ATP2B4: variants seen among roughly 807,000 people sequenced by gnomAD.
ATP2B4 encodes the protein plasma membrane calcium-transporting ATPase 4.
Under a neutral mutation model 110.3 loss-of-function variants are expected in ATP2B4, and 39 were observed. The ratio of observed to expected loss-of-function variants is 0.35; its 90% confidence interval spans 0.27 to 0.46. The LOEUF (loss-of-function observed/expected upper bound fraction) is 0.46, where lower values mean the gene tolerates loss of function less well. ATP2B4 is among the 20% of genes least tolerant of loss of function. The pLI is 1.00. For missense variants in ATP2B4, 1,135 were observed against 1,530.9 expected, an observed-to-expected ratio of 0.74 and a Z score of 4.32; for synonymous variants, 538 against 571.7, an observed-to-expected ratio of 0.94 and a Z score of 0.84.
intron 17 of ATP2B4, among the ~76,000 whole-genome samples, chr1:203,722,207 C>T (rs773536906): frequency 6.6e-6 from 1 of 152,056 alleles, no homozygotes; most frequent in African/African-American, 2.4e-5. Context: ...TGGTGGTGCA[C>T]GCCTGTAGTC....
intron 20 of ATP2B4, among the ~76,000 whole-genome samples, chr1:203,736,237 G>T (rs1409497890): frequency 6.6e-6 from 1 of 152,204 alleles, no homozygotes; most frequent in East Asian, 1.9e-4. Context: ...GGCCGAGGCA[G>T]GTGGATTACT....
At chr1:203,661,419 A>T (rs1461512569) in intron 1 of ATP2B4, among the ~76,000 whole-genome samples, 2 of 152,180 alleles carry the variant, frequency 1.3e-5, no homozygotes, top group East Asian at 3.9e-4. Flanking sequence ...TGAGAGGATC[A>T]AATGAGATAC....
intron 16 of ATP2B4, 119 bp downstream of exon 16, chr1:203,720,859 A>AAACG: frequency 8.1e-7 from 1 of 1,236,022 alleles, no homozygotes; most frequent in Non-Finnish European, 1.1e-6. Flanking sequence ...TGACATTGGG[A>AAACG]CAGGAGTTAG....
rs1183740412 is a variant in ATP2B4, at chr1:203,739,960, T to C, written c.*106T>C. 1.7e-6 allele frequency: 2 copies of C among 1,192,956 alleles called. No homozygotes were observed. Among genetic ancestry groups the C allele is most frequent in the African/African-American group, 1.5e-5 (1 of 65,104 alleles). 73.9% of individuals were successfully genotyped at this position (1,192,956 alleles called of 1,614,324 possible). ...TTCATTGTCACGTCAGCTGCTGTGT[T>C]AACAGCAGTGTGTGTGAAGTGAACC... On this transcript the variant is annotated 3_prime_UTR_variant, in exon 21 of 21. Transcript: ENST00000357681.
rs1255978873 is a variant in ATP2B4, at chr1:203,740,784, A to G, written c.*930A>G. 2 of 152,280 alleles carry G rather than the reference A, an allele frequency of 1.3e-5. No individual in the cohort carries two copies. The highest frequency in any genetic ancestry group is 4.8e-5 in the African/African-American group (2 of 41,454). 9.4% of individuals were successfully genotyped at this position (152,280 alleles called of 1,614,324 possible). ...TCTCTTATTCCTAAAGTGGTGGCAA[A>G]AGAATGAACTGGGTATGACCCTGCC... On this transcript the variant is annotated 3_prime_UTR_variant, in exon 21 of 21. Transcript: ENST00000357681.
At chr1:203,662,829 A>G (rs560126920) in intron 1 of ATP2B4, among the ~76,000 whole-genome samples, 1 of 152,328 alleles carries the variant, frequency 6.6e-6, no homozygotes, top group African/African-American at 2.4e-5. Context: ...TCTCCCAGAT[A>G]GTGGAAGGCA....
rs372144687 is a variant in ATP2B4 at position 203,738,283 on chromosome 1, T to TC, written c.3310-1258dup. ...CCAACTTCTCGGAGCTCCAACCCTC[T>TC]CCCCCTACCCCAATTCTACCATCCC... On this transcript the variant is annotated intron_variant, in intron 20 of 20. Coordinates refer to ENST00000357681, the MANE Select transcript of ATP2B4 (RefSeq NM_001684.5). Among the ~76,000 whole-genome samples, 1,066 of 151,702 alleles carry TC rather than the reference T, an allele frequency of 7.0e-3. 11 individuals are homozygous for TC. The highest frequency in any genetic ancestry group is 0.025 in the African/African-American group (1,015 of 41,358).
At chr1:203,717,157 C>T (rs982773223) in intron 15 of ATP2B4, among the ~76,000 whole-genome samples, 3 of 152,054 alleles carry the variant, frequency 2.0e-5, no homozygotes, top group African/African-American at 4.8e-5. Context: ...AAGATCACGC[C>T]TCTGCATTCC....
Position 203,739,665 on chromosome 1 carries a change from A to C in ATP2B4, c.3429A>C (p.Pro1143=). Residue 1143 remains proline, a synonymous_variant, in exon 21 of 21, where the codon CCA becomes CCC. Coordinates refer to ENST00000357681, the MANE Select transcript of ATP2B4 (RefSeq NM_001684.5). ...AATTCGCCATAGAGGAGGAGTTGCC[A>C]CGAACACCACTCCTGGATGAGGAAG... ...HPEFAIEEEL[P]RTPLLDEEEE... The C allele has an allele frequency of 6.2e-7, 1 of 1,614,178 alleles. No homozygotes were observed. Among genetic ancestry groups the C allele is most frequent in the Non-Finnish European group, 8.5e-7 (1 of 1,180,030 alleles).
chr1:203,678,719 A>G (rs1664906357), intron 1 of ATP2B4, among the ~76,000 whole-genome samples: 1 of 152,106 alleles, frequency 6.6e-6, no homozygotes, highest in Non-Finnish European at 1.5e-5. Context: ...CTGCCTTTTA[A>G]AGGGCCTCTT....
rs1456765207 is a variant in ATP2B4, at chr1:203,710,989, A to G, written c.1912A>G (p.Ile638Val). The G allele has an allele frequency of 6.2e-6, 10 of 1,614,018 alleles. 1 individual carries two copies. The South Asian group carries it at 1.1e-4, about 18-fold the overall frequency. Residue 638 changes from isoleucine (I) to valine (V), a missense_variant, in exon 12 of 21, where the codon ATC becomes GTC. Transcript: ENST00000357681. ...CATGGCCTGTGATGGACTCCGGACT[A>G]TCTGCATAGCTTACCGGGACTTCGA... The part of the protein sequence containing the change: ...EPMACDGLRT[I>V]CIAYRDFDDT...
chr1:203,656,223 A>T lies in ATP2B4; in HGVS notation c.-464-26519A>T, dbSNP rs116888408. 2.9e-3 allele frequency among the ~76,000 whole-genome samples: 447 copies of T among 152,346 alleles called. 3 individuals are homozygous for T. The East Asian group carries it at 0.037, about 13-fold the overall frequency. ...CTGCAAATAAGTTTCTCCTCAGAGAATCAGTGCAGTCTTCTTTATCCTTTT... is the reference window on the plus strand; with the variant it reads ...CTGCAAATAAGTTTCTCCTCAGAGATTCAGTGCAGTCTTCTTTATCCTTTT... On this transcript the variant is annotated intron_variant, in intron 1 of 20. Coordinates refer to ENST00000357681, the MANE Select transcript of ATP2B4 (RefSeq NM_001684.5).
At chr1:203,681,570 T>C (rs1665014344) in intron 1 of ATP2B4, among the ~76,000 whole-genome samples, 1 of 152,130 alleles carries the variant, frequency 6.6e-6, no homozygotes, top group African/African-American at 2.4e-5. Context: ...CAGTGACACC[T>C]GTCAGTGGCA....
intron 3 of ATP2B4, 138 bp from the exon 4 acceptor site, chr1:203,699,322 T>G: frequency 5.1e-6 from 6 of 1,178,186 alleles, no homozygotes; most frequent in Non-Finnish European, 7.1e-6. Flanking sequence ...TCTGATATCC[T>G]CTTCCAGCCA....
intron 1 of ATP2B4, among the ~76,000 whole-genome samples, chr1:203,635,380 G>A (rs950698035): frequency 4.6e-5 from 7 of 151,896 alleles, no homozygotes; most frequent in East Asian, 3.9e-4. Flanking sequence ...GCAATCCTCC[G>A]ACCTCAGCCT....
rs1034935160 is a variant in ATP2B4 at position 203,663,657 on chromosome 1, T to C, written c.-464-19085T>C. ...GTCTTGCTCTGTCACCATGCTAGAG[T>C]GCAGTGGTGTGATCATAGCTTACCG... On this transcript the variant is annotated intron_variant, in intron 1 of 20. Coordinates refer to ENST00000357681, the MANE Select transcript of ATP2B4 (RefSeq NM_001684.5). 4.0e-5 allele frequency among the ~76,000 whole-genome samples: 6 copies of C among 151,326 alleles called. No individual in the cohort carries two copies. The Admixed American group carries it at 4.0e-4, about 10-fold the overall frequency.
At chr1:203,638,300 C>T (rs1202576734) in intron 1 of ATP2B4, among the ~76,000 whole-genome samples, 1 of 152,196 alleles carries the variant, frequency 6.6e-6, no homozygotes, top group Non-Finnish European at 1.5e-5. Context: ...GGCATCTGGC[C>T]TCAGCAGCGG....
In ATP2B4 at chr1:203,714,205, G is replaced by T. The variant is rs753236096; in HGVS notation, c.2334G>T (p.Gln778His). ...ACAGCACTGTTGGGGAACACCGGCA[G>T]GTCGTGGCTGTCACTGGTGATGGCA... ...IIDSTVGEHRQVVAVTGDGTN... is the reference protein window; with the variant it reads ...IIDSTVGEHRHVVAVTGDGTN... Residue 778 changes from glutamine to histidine, a missense_variant, in exon 15 of 21, where the codon CAG (glutamine) becomes CAT (histidine). This residue lies in a region of ATP2B4 where 368 missense variants were observed against 455.9 expected (regional missense o/e 0.81). Coordinates refer to ENST00000357681, the MANE Select transcript of ATP2B4 (RefSeq NM_001684.5). 1.6e-5 allele frequency: 26 copies of T among 1,614,092 alleles called. No individual in the cohort carries two copies. The highest frequency in any genetic ancestry group is 2.1e-5 in the Non-Finnish European group (25 of 1,180,036).
intron 9 of ATP2B4, 78 bp from the exon 10 acceptor site, chr1:203,707,784 C>G: frequency 6.4e-7 from 1 of 1,559,852 alleles, no homozygotes; most frequent in South Asian, 1.2e-5. Context: ...GAGATGTTGG[C>G]TAGGAAATGG....
Sources: allele counts gnomAD v4.1 joint callset (sites outside exome capture counted in the v4.1 genomes callset), GRCh38; gene constraint gnomAD v4.1.1; regional missense constraint gnomAD v4.1.1; transcripts MANE v1.5; gene names NCBI Gene and HGNC (gene_info 2026-07-23, HGNC 2026-07-21).